Variants in MACF1 observed in about 807,000 individuals in gnomAD.
The protein encoded by MACF1 is microtubule actin crosslinking factor 1.
In MACF1, 193 loss-of-function variants were observed where a neutral mutation model predicts 854.8. The ratio of observed to expected loss-of-function variants is 0.23; its 90% CI spans 0.20 to 0.25. MACF1 has a LOEUF of 0.25. Ranked by LOEUF, MACF1 falls within the 10% of genes least tolerant of loss-of-function variation. The probability of loss-of-function intolerance (pLI) is 1.00; values close to 1 mark genes in which losing one functional copy is unlikely to be tolerated. For synonymous variants in MACF1, 3,185 were observed against 3,226.7 expected (o/e 0.99, Z 0.44); for missense variants, 7,722 against 8,929.1 (o/e 0.86, Z 5.45).
chr1:39,215,474 G>A (rs1454338953), intron 1 of MACF1: 2 of 151,490 alleles, frequency 1.3e-5, no homozygotes, highest in Admixed American at 6.6e-5. Context: ...CCGGGCCTGA[G>A]GATCCCAAAT....
chr1:39,453,571 T>C (rs1421942172), intron 87 of MACF1, 136 bp from the exon 88 acceptor site: 2 of 707,078 alleles, frequency 2.8e-6, no homozygotes, highest in Admixed American at 2.8e-5. Flanking sequence ...CATAAATAAC[T>C]ATACAGGCTT....
chr1:39,357,970 CAGAA>C, intron 45 of MACF1, 77 bp downstream of exon 45: 1 of 1,431,652 alleles, frequency 7.0e-7, no homozygotes, highest in South Asian at 1.4e-5. Flanking sequence ...GTCTGGGGCT[CAGAA>C]TAAGAACTCC....
chr1:39,415,902 G>C (rs1320276709), intron 58 of MACF1, among the ~76,000 whole-genome samples: 1 of 152,178 alleles, frequency 6.6e-6, no homozygotes, highest in Non-Finnish European at 1.5e-5. Context: ...ACTCAAAATA[G>C]TGCCTTCTTC....
At chr1:39,275,316 T>C (rs1645412614) in intron 6 of MACF1, among the ~76,000 whole-genome samples, 1 of 152,022 alleles carries the variant, frequency 6.6e-6, no homozygotes, top group African/African-American at 2.4e-5. Context: ...TCTCTTGACT[T>C]CGTGACCCGC....
intron 49 of MACF1, among the ~76,000 whole-genome samples, chr1:39,366,413 A>G (rs1179309363): frequency 6.6e-6 from 1 of 152,014 alleles, no homozygotes; most frequent in Non-Finnish European, 1.5e-5. Context: ...AGCTCACTGC[A>G]TCCTCAAACT....
chr1:39,452,573 A>T (rs770922042), intron 86 of MACF1, 111 bp from the exon 87 acceptor site: 1 of 1,388,826 alleles, frequency 7.2e-7, no homozygotes, highest in Non-Finnish European at 9.9e-7. Flanking sequence ...TGGAGTTTTG[A>T]TGAGGCCATG....
At chr1:39,191,429 C>T (rs901618257) in intron 2 of MACF1, among the ~76,000 whole-genome samples, 1 of 152,194 alleles carries the variant, frequency 6.6e-6, no homozygotes, top group African/African-American at 2.4e-5. Context: ...GGATTAGATA[C>T]TCCAGGAACA....
intron 40 of MACF1, among the ~76,000 whole-genome samples, chr1:39,341,655 G>A (rs779289213): frequency 6.6e-5 from 10 of 151,778 alleles, no homozygotes; most frequent in East Asian, 3.9e-4. Context: ...CCAAGACCGC[G>A]CCATTGCACT....
chr1:39,311,266 T>C (rs746561422), intron 26 of MACF1, among the ~76,000 whole-genome samples: 1 of 152,352 alleles, frequency 6.6e-6, no homozygotes, highest in Non-Finnish European at 1.5e-5. Flanking sequence ...ATTTGGGCTA[T>C]GTATTTTGAA....
At chr1:39,484,925 A>C (rs1645076953) in intron 100 of MACF1, 195 bp downstream of exon 100, 1 of 634,652 alleles carries the variant, frequency 1.6e-6, no homozygotes, top group Non-Finnish European at 2.8e-6. Flanking sequence ...TTTCCTTCTG[A>C]GATGAGATGC....
At chr1:39,139,233 A>C (rs1018059305) in intron 2 of MACF1, among the ~76,000 whole-genome samples, 15 of 151,960 alleles carry the variant, frequency 9.9e-5, no homozygotes, top group Non-Finnish European at 2.1e-4. Context: ...TTATGGGGGG[A>C]AATTGAACAG....
intron 33 of MACF1, 107 bp downstream of exon 33, chr1:39,323,115 G>A (rs1476525557): frequency 1.0e-5 from 10 of 986,794 alleles, no homozygotes; most frequent in Non-Finnish European, 1.6e-5. Context: ...TGAGTTGGGA[G>A]GATTACTTGA....
At chr1:39,085,796 C>T (rs1392503791) in intron 2 of MACF1, among the ~76,000 whole-genome samples, 1 of 152,210 alleles carries the variant, frequency 6.6e-6, no homozygotes, top group African/African-American at 2.4e-5. Flanking sequence ...CTTACCTCTT[C>T]AGCTTCACCT....
Position 39,302,972 on chromosome 1 carries a change from C to T in MACF1, c.2683C>T (p.Arg895Trp), listed in dbSNP as rs1278973776. Residue 895 changes from arginine to tryptophan, a missense_variant, in exon 23 of 101, where the codon CGG becomes TGG. Transcript: ENST00000564288. ...DECVLEDNSQ[R>W]TKWKVISPTG... ...ATGTGTGCTAGAAGATAATTCTCAGCGGACCAAATGGAAAGTGATCAGCCC... is the reference window on the plus strand; with the variant it reads ...ATGTGTGCTAGAAGATAATTCTCAGTGGACCAAATGGAAAGTGATCAGCCC... 9.3e-6 allele frequency: 15 copies of T among 1,614,016 alleles called. No homozygotes were observed. The highest frequency in any genetic ancestry group is 2.2e-5 in the East Asian group (1 of 44,896).
chr1:39,442,684 A>G (rs1644144331), intron 77 of MACF1, 30 bp from the exon 78 acceptor site: 3 of 1,612,328 alleles, frequency 1.9e-6, no homozygotes, highest in African/African-American at 1.3e-5. Context: ...ATATCCATAG[A>G]GATAAATTAT....
chr1:39,336,611 G>C lies in MACF1; in HGVS notation c.10023G>C (p.Lys3341Asn), dbSNP rs118188721. Residue 3341 changes from lysine to asparagine, a missense_variant, in exon 37 of 101, where the codon AAG becomes AAC. Lys to Asn is a moderately conservative substitution (Grantham distance 94). Coordinates refer to ENST00000564288, the MANE Select transcript of MACF1 (RefSeq NM_001394062.1). Reference protein sequence around the residue: ...QTPFMTAPEGKGNGGVNPEPF... With the variant: ...QTPFMTAPEGNGNGGVNPEPF... ...CCTTCATGACTGCACCTGAAGGAAA[G>C]GGAAATGGAGGTGTAAACCCAGAGC... The C allele has an allele frequency of 1.8e-3, 2,827 of 1,613,456 alleles. 45 individuals are homozygous for C. In the East Asian group the frequency reaches 0.038, roughly 22 times the overall value.
chr1:39,368,109 G>T, intron 49 of MACF1, 39 bp from the exon 50 acceptor site: 1 of 1,585,758 alleles, frequency 6.3e-7, no homozygotes. Flanking sequence ...TATTTATAAG[G>T]ATTAGAGGAT....
intron 2 of MACF1, among the ~76,000 whole-genome samples, chr1:39,085,093 G>T (rs915252297): frequency 3.3e-5 from 5 of 152,186 alleles, no homozygotes; most frequent in African/African-American, 7.2e-5. Flanking sequence ...AGTTATGAGT[G>T]TAAGCTTTGG....
intron 47 of MACF1, among the ~76,000 whole-genome samples, chr1:39,360,175 G>A (rs1425695436): frequency 6.7e-6 from 1 of 150,004 alleles, no homozygotes; most frequent in Non-Finnish European, 1.5e-5. Flanking sequence ...AAAATGATAA[G>A]TATGTGAGGT....
Sources: gnomAD v4.1 joint callset for allele counts (sites outside exome capture counted in the v4.1 genomes callset) on GRCh38, gnomAD v4.1.1 for gene constraint, MANE v1.5 for transcripts, NCBI Gene and HGNC (gene_info 2026-07-23, HGNC 2026-07-21) for gene names.